The following SBF1 variants were observed in gnomAD, a reference collection of about 807,000 sequenced individuals.
SBF1 encodes the protein myotubularin-related protein 5.
Under a neutral mutation model 215.8 loss-of-function variants are expected in SBF1, and 65 were observed. That is an observed-to-expected ratio of 0.30 (90% CI 0.25 to 0.37). SBF1 has a LOEUF of 0.37. SBF1 is among the 10% of genes least tolerant of loss of function. The pLI is 1.00. For synonymous variants in SBF1, 1,410 were observed against 1,122.8 expected (o/e 1.26, Z -5.11); for missense variants, 2,634 against 2,667.8 (o/e 0.99, Z 0.28).
chr22:50,458,714 C>A (rs892038951), intron 28 of SBF1, among the ~76,000 whole-genome samples: 1 of 152,152 alleles, frequency 6.6e-6, no homozygotes, highest in Non-Finnish European at 1.5e-5. Context: ...GTGAAGTGTG[C>A]GTGGCGGTGG....
At chr22:50,456,701 C>A (rs1392121587) in intron 29 of SBF1, 28 bp from the exon 30 acceptor site, 1 of 1,448,734 alleles carries the variant, frequency 6.9e-7, no homozygotes, top group East Asian at 2.5e-5. Flanking sequence ...GGTAAGCACC[C>A]AAAGGGGGCC....
intron 6 of SBF1, 51 bp from the exon 7 acceptor site, chr22:50,466,533 G>A (rs1464888000): frequency 1.3e-6 from 2 of 1,530,116 alleles, no homozygotes; most frequent in Non-Finnish European, 1.8e-6. Flanking sequence ...CACCCAGGCA[G>A]AGTGAGAACC....
At position 50,466,680 on chromosome 22, in the gene SBF1, G is replaced by C. The variant is rs1164319997; in HGVS notation, c.580C>G (p.Gln194Glu). 2 of 1,546,074 alleles carry C rather than the reference G, an allele frequency of 1.3e-6. No homozygotes were observed. The highest frequency in any genetic ancestry group is 3.9e-5 in the Admixed American group (2 of 50,648). ...RTISLGAGDR[Q>E]VIQTPLADSL... is the part of the protein sequence containing the mutation. ...TCGGCCAGTGGAGTCTGGATGACCTGCCGGTCACCAGCCCCCAAAGAGATC... is the reference window on the plus strand; with the variant it reads ...TCGGCCAGTGGAGTCTGGATGACCTCCCGGTCACCAGCCCCCAAAGAGATC... The change falls in exon 6 of 41, where the codon CAG becomes GAG. Residue 194 changes from glutamine to glutamate, a missense_variant. Transcript: ENST00000380817.
At chr22:50,451,667 G>A (rs1290148187) in intron 36 of SBF1, among the ~76,000 whole-genome samples, 1 of 152,102 alleles carries the variant, frequency 6.6e-6, no homozygotes, top group East Asian at 1.9e-4. Flanking sequence ...TCAAATTGCT[G>A]AAGCCAAAAT....
rs974565195 is a variant in SBF1, at chr22:50,458,479, G to C, written c.3826+776C>G. Among the ~76,000 whole-genome samples, 4 of 152,130 alleles carry C rather than the reference G, an allele frequency of 2.6e-5. No individual in the cohort carries two copies. The South Asian group carries it at 8.3e-4, about 31-fold the overall frequency. On this transcript the variant is annotated intron_variant, in intron 28 of 40. Coordinates refer to ENST00000380817, the MANE Select transcript of SBF1 (RefSeq NM_002972.4). Reference sequence around the variant, plus strand: ...GACTCTGTGGGAAGCACAGGCATGGGGGGTGCAGGGGCGGCCCCACCTGCA... The same window carrying C: ...GACTCTGTGGGAAGCACAGGCATGGCGGGTGCAGGGGCGGCCCCACCTGCA...
At chr22:50,474,376 AG>A (rs2068099420) in intron 1 of SBF1, among the ~76,000 whole-genome samples, 1 of 152,150 alleles carries the variant, frequency 6.6e-6, no homozygotes, top group African/African-American at 2.4e-5. Flanking sequence ...GCGCCCCTGG[AG>A]CCACTAGAGC....
intron 36 of SBF1, among the ~76,000 whole-genome samples, chr22:50,453,479 A>G (rs2067125735): frequency 6.6e-6 from 1 of 152,220 alleles, no homozygotes. Flanking sequence ...ACAAGGAACC[A>G]GAAGCTCTAA....
intron 36 of SBF1, among the ~76,000 whole-genome samples, chr22:50,449,909 G>A (rs528725747): frequency 6.6e-6 from 1 of 152,304 alleles, no homozygotes; most frequent in South Asian, 2.1e-4. Flanking sequence ...GACAAGCAGT[G>A]CAGCTTGAGA....
intron 36 of SBF1, among the ~76,000 whole-genome samples, chr22:50,451,603 C>T (rs1429980773): frequency 1.3e-5 from 2 of 152,024 alleles, no homozygotes; most frequent in Non-Finnish European, 2.9e-5. Flanking sequence ...GATCATCCCA[C>T]AGACCCAGAA....
In SBF1 at chr22:50,454,546, C is replaced by T. The variant is rs373282723; in HGVS notation, c.5009G>A (p.Arg1670Gln). Residue 1670 changes from arginine to glutamine, a missense_variant, in exon 36 of 41, where the codon CGG becomes CAG. Coordinates refer to ENST00000380817, the MANE Select transcript of SBF1 (RefSeq NM_002972.4). ...VVWPCYDSCP[R>Q]AQPDAISRLL... ...GCGTGAGATGGCGTCAGGCTGGGCC[C>T]GCGGGCAGCTGTCGTAACAGGGCCA... 6.8e-6 allele frequency: 11 copies of T among 1,611,042 alleles called. No homozygotes were observed. Among genetic ancestry groups the T allele is most frequent in the East Asian group, 2.2e-5 (1 of 44,862 alleles).
In SBF1 at chr22:50,465,342, T is replaced by C. The variant is rs2067703044; in HGVS notation, c.1090-14A>G. ...CAGCTCCTTGTCCTGGGAGAAGAGC[T>C]GAGTGCAGGTGAGAGCCAGTCCTGC... On this transcript the variant is annotated splice_polypyrimidine_tract_variant and intron_variant, in intron 10 of 40. Transcript: ENST00000380817. The C allele has an allele frequency of 1.3e-6, 2 of 1,557,668 alleles. No homozygotes were observed. Among genetic ancestry groups the C allele is most frequent in the East Asian group, 4.7e-5 (2 of 42,542 alleles).
At chr22:50,459,121 G>T in intron 28 of SBF1, 134 bp downstream of exon 28, 1 of 1,312,804 alleles carries the variant, frequency 7.6e-7, no homozygotes, top group Non-Finnish European at 1.0e-6. Context: ...CGGAGGGCAT[G>T]CTCCTCATCC....
In SBF1 at chr22:50,460,591, G is replaced by A. The variant is rs2067464364; in HGVS notation, c.3089C>T (p.Ser1030Phe). Reference sequence around the variant, plus strand: ...CGGTGGCCGGCCAGGTGTGTGGGCAGAGCCCAAGGTGAACGCAAAGGTGGC... The same window carrying A: ...CGGTGGCCGGCCAGGTGTGTGGGCAAAGCCCAAGGTGAACGCAAAGGTGGC... The part of the protein sequence containing the change: ...IRATFAFTLG[S>F]AHTPGRPPRV... Residue 1030 changes from serine to phenylalanine, a missense_variant, in exon 24 of 41, where the codon TCT becomes TTT. By Grantham distance (155) the Ser-to-Phe change is radical. Transcript: ENST00000380817. 2 of 1,614,128 alleles carry A rather than the reference G, an allele frequency of 1.2e-6. No homozygotes were observed. The highest frequency in any genetic ancestry group is 1.7e-6 in the Non-Finnish European group (2 of 1,180,034).
chr22:50,463,496 G>A, intron 15 of SBF1, 64 bp from the exon 16 acceptor site: 1 of 1,475,242 alleles, frequency 6.8e-7, no homozygotes, highest in Non-Finnish European at 9.0e-7. Context: ...GGCCCTGGCA[G>A]GGAGGGCAGC....
At chr22:50,449,147 G>A (rs1324999342) in intron 36 of SBF1, among the ~76,000 whole-genome samples, 1 of 151,922 alleles carries the variant, frequency 6.6e-6, no homozygotes, top group Non-Finnish European at 1.5e-5. Flanking sequence ...ACACCAGCAT[G>A]GGCAACAAGA....
intron 1 of SBF1, among the ~76,000 whole-genome samples, chr22:50,470,573 G>T (rs2148612511): frequency 1.3e-5 from 2 of 152,188 alleles, no homozygotes; most frequent in South Asian, 4.1e-4. Flanking sequence ...TCAGGTCTCA[G>T]CCCACAGAGC....
intron 14 of SBF1, 38 bp from the exon 15 acceptor site, chr22:50,464,479 C>A (rs368761976): frequency 1.2e-6 from 2 of 1,604,294 alleles, no homozygotes; most frequent in African/African-American, 2.7e-5. Context: ...ACCCCTGACC[C>A]CACGCCCATC....
intron 28 of SBF1, 25 bp downstream of exon 28, chr22:50,459,230 A>C (rs1569511314): frequency 6.3e-7 from 1 of 1,582,338 alleles, no homozygotes; most frequent in South Asian, 1.1e-5. Context: ...CCCCTGCCCC[A>C]CCGTCTGCCC....
Position 50,449,625 on chromosome 22 carries a change from AACACACACACACACACACACAC to A in SBF1, c.5044-997_5044-976del, listed in dbSNP as rs59541336. Among the ~76,000 whole-genome samples, 11 of 146,960 alleles carry A rather than the reference AACACACACACACACACACACAC, an allele frequency of 7.5e-5. No homozygotes were observed. The East Asian group carries it at 2.2e-3, about 30-fold the overall frequency. On this transcript the variant is annotated intron_variant, in intron 36 of 40. Transcript: ENST00000380817. ...GTGAGATTCTGTCTCAAAACACACA[AACACACACACACACACACACAC>A]ACACACACACCCCAAAATGGGACAG... is the stretch of plus-strand genomic sequence containing the variant.
Sources: allele counts gnomAD v4.1 joint callset (sites outside exome capture counted in the v4.1 genomes callset), GRCh38; gene constraint gnomAD v4.1.1; transcripts MANE v1.5; gene names NCBI Gene and HGNC (gene_info 2026-07-23, HGNC 2026-07-21).